The following GPC5 variants were observed in gnomAD, a reference collection of about 807,000 sequenced individuals.
GPC5 encodes the protein glypican 5, also known as glypican-5.
GPC5 carries 47 observed loss-of-function variants against 53.9 expected under a neutral mutation model. That is an observed-to-expected ratio of 0.87 (90% confidence interval 0.69 to 1.11). The LOEUF (loss-of-function observed/expected upper bound fraction) is 1.11. Among genes scored for constraint, GPC5 ranks in the 50% most tolerant of loss-of-function variants. GPC5 has a pLI of 0.00. For missense variants in GPC5, 748 were observed against 713.1 expected, an observed-to-expected ratio of 1.05 and a Z score of -0.56; for synonymous variants, 286 against 263.3, an observed-to-expected ratio of 1.09 and a Z score of -0.84.
At chr13:91,836,082 A>G (rs2038720622) in intron 5 of GPC5, among the ~76,000 whole-genome samples, 1 of 152,072 alleles carries the variant, frequency 6.6e-6, no homozygotes, top group Admixed American at 6.6e-5. Context: ...GAATGATCAC[A>G]GAAGAGAATA....
intron 7 of GPC5, among the ~76,000 whole-genome samples, chr13:92,166,840 G>A (rs779878077): frequency 1.1e-4 from 16 of 151,914 alleles, no homozygotes; most frequent in East Asian, 1.9e-4. Flanking sequence ...TGATCTTAGT[G>A]TATCACATTA....
intron 7 of GPC5, among the ~76,000 whole-genome samples, chr13:92,762,773 CT>C (rs992599989): frequency 6.6e-6 from 1 of 151,866 alleles, no homozygotes; most frequent in Non-Finnish European, 1.5e-5. Context: ...TCATTGTTTT[CT>C]TTTTTTCTCT....
At chr13:92,282,751 A>G (rs753684415) in intron 7 of GPC5, among the ~76,000 whole-genome samples, 8 of 152,182 alleles carry the variant, frequency 5.3e-5, no homozygotes, top group Non-Finnish European at 7.4e-5. Context: ...AACACTAAAC[A>G]TGGAAAGGAA....
At chr13:91,472,226 G>A (rs1882676454) in intron 2 of GPC5, among the ~76,000 whole-genome samples, 2 of 152,114 alleles carry the variant, frequency 1.3e-5, no homozygotes, top group Admixed American at 1.3e-4. Flanking sequence ...TTCAGTTAAT[G>A]TGATTTTTGT....
intron 7 of GPC5, among the ~76,000 whole-genome samples, chr13:92,393,346 A>G (rs1875111158): frequency 1.3e-5 from 2 of 152,310 alleles, no homozygotes; most frequent in Non-Finnish European, 2.9e-5. Context: ...ATGGGAGCTA[A>G]ATAATACGAA....
intron 7 of GPC5, among the ~76,000 whole-genome samples, chr13:92,200,602 T>C (rs1418363001): frequency 2.0e-5 from 3 of 152,232 alleles, no homozygotes; most frequent in Non-Finnish European, 4.4e-5. Context: ...TTTGACAAGG[T>C]TAAAAGCATG....
At chr13:91,695,161 C>G (rs2035853179) in intron 3 of GPC5, among the ~76,000 whole-genome samples, 1 of 152,060 alleles carries the variant, frequency 6.6e-6, no homozygotes, top group Admixed American at 6.6e-5. Flanking sequence ...CTGGGTATCC[C>G]TATACAATTA....
intron 2 of GPC5, among the ~76,000 whole-genome samples, chr13:91,504,057 T>G (rs1199814290): frequency 6.6e-6 from 1 of 151,972 alleles, no homozygotes; most frequent in East Asian, 1.9e-4. Flanking sequence ...CATTTCATCA[T>G]AGCATAACAA....
intron 2 of GPC5, among the ~76,000 whole-genome samples, chr13:91,654,093 C>T (rs373275991): frequency 6.6e-6 from 1 of 152,102 alleles, no homozygotes; most frequent in African/African-American, 2.4e-5. Context: ...TAGAGGCACC[C>T]ATAGATTTCA....
chr13:91,951,985 TGAA>T (rs1049069494), intron 6 of GPC5, among the ~76,000 whole-genome samples: 7 of 152,166 alleles, frequency 4.6e-5, no homozygotes, highest in Admixed American at 2.6e-4. Flanking sequence ...CTGTTTTTCT[TGAA>T]GAAGAGAGCC....
chr13:92,189,871 G>T (rs534282926), intron 7 of GPC5, among the ~76,000 whole-genome samples: 1 of 152,278 alleles, frequency 6.6e-6, no homozygotes, highest in African/African-American at 2.4e-5. Context: ...CTATGAGCTT[G>T]AAGATTTCGC....
At chr13:91,843,614 A>G (rs1314099556) in intron 5 of GPC5, among the ~76,000 whole-genome samples, 1 of 152,194 alleles carries the variant, frequency 6.6e-6, no homozygotes, top group African/African-American at 2.4e-5. Flanking sequence ...GAAAATGTGT[A>G]TACCAGCAAA....
intron 7 of GPC5, among the ~76,000 whole-genome samples, chr13:92,149,340 G>A (rs1217365000): frequency 6.6e-6 from 1 of 151,980 alleles, no homozygotes; most frequent in Non-Finnish European, 1.5e-5. Flanking sequence ...GCATTTCCCA[G>A]TGTAATACCT....
intron 1 of GPC5, among the ~76,000 whole-genome samples, chr13:91,423,787 A>C (rs570256629): frequency 1.3e-5 from 2 of 152,336 alleles, no homozygotes; most frequent in South Asian, 4.1e-4. Flanking sequence ...AACCTGATTT[A>C]ATTATTCCAC....
intron 7 of GPC5, among the ~76,000 whole-genome samples, chr13:92,615,224 A>T (rs1884641044): frequency 6.6e-6 from 1 of 152,152 alleles, no homozygotes; most frequent in Non-Finnish European, 1.5e-5. Flanking sequence ...TTACCATAGC[A>T]GTTGTTCTTA....
intron 2 of GPC5, among the ~76,000 whole-genome samples, chr13:91,677,344 A>C (rs1458404747): frequency 6.6e-6 from 1 of 152,236 alleles, no homozygotes; most frequent in Non-Finnish European, 1.5e-5. Context: ...GTGAATTTCC[A>C]AGAAAACAAA....
At chr13:91,526,945 G>A (rs1240654067) in intron 2 of GPC5, among the ~76,000 whole-genome samples, 2 of 152,054 alleles carry the variant, frequency 1.3e-5, no homozygotes, top group Non-Finnish European at 2.9e-5. Flanking sequence ...ACAGCATGGG[G>A]GGAACTGCCA....
At chr13:91,964,196 C>A (rs1037571853) in intron 6 of GPC5, among the ~76,000 whole-genome samples, 2 of 152,188 alleles carry the variant, frequency 1.3e-5, no homozygotes, top group Non-Finnish European at 2.9e-5. Flanking sequence ...GTGAGTGTTA[C>A]AGCTCACAAA....
chr13:92,216,384 G>A (rs756911587), intron 7 of GPC5, among the ~76,000 whole-genome samples: 14 of 152,132 alleles, frequency 9.2e-5, no homozygotes, highest in Non-Finnish European at 2.1e-4. Context: ...GGAGATGGAA[G>A]ACAAGCCTCA....
Sources: gnomAD v4.1 joint callset for allele counts (sites outside exome capture counted in the v4.1 genomes callset) on GRCh38, gnomAD v4.1.1 for gene constraint, MANE v1.5 for transcripts, NCBI Gene and HGNC (gene_info 2026-07-23, HGNC 2026-07-21) for gene names.